Variants in FGF13 observed in about 807,000 individuals in gnomAD.
FGF13 encodes the protein fibroblast growth factor homologous factor 2.
In FGF13, 2 loss-of-function variants were observed where a neutral mutation model predicts 19.5. The observed-to-expected ratio is 0.10, with a 90% CI of 0.04 to 0.32. FGF13 has a LOEUF of 0.32. Ranked by LOEUF, FGF13 falls within the 10% of genes least tolerant of loss-of-function variation. FGF13 has a pLI of 1.00. For missense variants in FGF13, 113 were observed against 192.7 expected (o/e 0.59, Z 2.45); for synonymous variants, 72 against 76.9 (o/e 0.94, Z 0.33).
intron 1 of FGF13, among the ~76,000 whole-genome samples, chrX:139,174,089 C>T (rs1477388779): frequency 8.9e-6 from 1 of 112,121 alleles, no homozygotes; most frequent in East Asian, 2.8e-4. Context: ...TTAATGATTG[C>T]CATTCTAACT....
chrX:138,797,706 T>C (rs969140404), intron 3 of FGF13, among the ~76,000 whole-genome samples: 2 of 111,962 alleles, frequency 1.8e-5, no homozygotes, highest in African/African-American at 6.5e-5. Context: ...TGGATTTTTT[T>C]TTCCATTTGT....
At chrX:139,107,318 G>A (rs1032192317) in intron 1 of FGF13, among the ~76,000 whole-genome samples, 2 of 111,952 alleles carry the variant, frequency 1.8e-5, no homozygotes, top group African/African-American at 6.5e-5. Flanking sequence ...AAAGCAACTG[G>A]TTATTTATCA....
At chrX:139,056,864 T>A in intron 1 of FGF13, among the ~76,000 whole-genome samples, 1 of 112,274 alleles carries the variant, frequency 8.9e-6, no homozygotes, top group Non-Finnish European at 1.9e-5. Flanking sequence ...GATGTTCAAT[T>A]TAAGCCCTAG....
chrX:138,906,330 C>A (rs1312346045), intron 1 of FGF13, among the ~76,000 whole-genome samples: 5 of 112,163 alleles, frequency 4.5e-5, no homozygotes, highest in Non-Finnish European at 3.8e-5. Flanking sequence ...TTGCTCTTGT[C>A]ATTTTTATTG....
chrX:138,955,399 C>T (rs1412138671), intron 1 of FGF13, among the ~76,000 whole-genome samples: 1 of 112,006 alleles, frequency 8.9e-6, no homozygotes, highest in Non-Finnish European at 1.9e-5. Context: ...TCTGTGGGGT[C>T]CTGATGAAGA....
intron 1 of FGF13, among the ~76,000 whole-genome samples, chrX:138,888,389 TCTCA>T (rs1234775674): frequency 9.0e-6 from 1 of 111,519 alleles, no homozygotes; most frequent in Non-Finnish European, 1.9e-5. Context: ...GTCTTTGGAC[TCTCA>T]CTATCTCTTC....
intron 1 of FGF13, among the ~76,000 whole-genome samples, chrX:139,146,926 A>C (rs1465008868): frequency 2.0e-5 from 2 of 102,246 alleles, no homozygotes; most frequent in Admixed American, 2.2e-4. Context: ...CAATAAGAAC[A>C]CTTGGACACA....
chrX:138,687,623 A>G (rs185878014), intron 3 of FGF13, among the ~76,000 whole-genome samples: 301 of 112,030 alleles, frequency 2.7e-3, no homozygotes, highest in Non-Finnish European at 4.6e-3. Context: ...TAAAACTACC[A>G]TATGATCCAG....
At chrX:138,881,761 C>T (rs1298804279) in intron 1 of FGF13, among the ~76,000 whole-genome samples, 1 of 111,534 alleles carries the variant, frequency 9.0e-6, no homozygotes, top group African/African-American at 3.2e-5. Context: ...TCTCCACTTA[C>T]ATTCTCATTT....
At chrX:138,952,945 C>T (rs148267798) in intron 1 of FGF13, among the ~76,000 whole-genome samples, 2,996 of 110,484 alleles carry the variant, frequency 0.027, 108 homozygotes, top group African/African-American at 0.092. Flanking sequence ...CTGGAGAGGA[C>T]GTGGAGAAAT....
At chrX:139,031,648 C>T (rs1286463012) in intron 1 of FGF13, among the ~76,000 whole-genome samples, 1 of 108,182 alleles carries the variant, frequency 9.2e-6, no homozygotes, top group African/African-American at 3.4e-5. Context: ...AGGAATCAAG[C>T]ATTGAGTCTG....
chrX:138,896,422 T>G (rs2091504583), intron 1 of FGF13, among the ~76,000 whole-genome samples: 1 of 111,801 alleles, frequency 8.9e-6, no homozygotes, highest in Admixed American at 9.5e-5. Context: ...CCTATACTTT[T>G]CTTTCACCAA....
At chrX:138,816,841 A>G (rs1391285174) in intron 3 of FGF13, among the ~76,000 whole-genome samples, 1 of 111,704 alleles carries the variant, frequency 9.0e-6, no homozygotes, top group Non-Finnish European at 1.9e-5. Flanking sequence ...TCTTCTTCCA[A>G]TATGGCCCAG....
At chrX:138,719,266 A>G (rs1367964087) in intron 1 of FGF13, among the ~76,000 whole-genome samples, 3 of 112,135 alleles carry the variant, frequency 2.7e-5, no homozygotes, top group African/African-American at 9.7e-5. Context: ...TTCTTTAACA[A>G]AAGTGAATTA....
chrX:139,083,637 C>T (rs2084247569), intron 1 of FGF13, among the ~76,000 whole-genome samples: 1 of 110,920 alleles, frequency 9.0e-6, no homozygotes, highest in African/African-American at 3.3e-5. Context: ...TTTGGGAGGC[C>T]GAGGCAGGCA....
intron 3 of FGF13, among the ~76,000 whole-genome samples, chrX:138,830,207 A>G (rs1273120253): frequency 8.9e-6 from 1 of 112,273 alleles, no homozygotes; most frequent in Non-Finnish European, 1.9e-5. Context: ...GGCTAGAGAA[A>G]GCCTAGATGG....
At chrX:139,203,166 G>A (rs2084429774) in intron 1 of FGF13, among the ~76,000 whole-genome samples, 1 of 111,907 alleles carries the variant, frequency 8.9e-6, no homozygotes, top group African/African-American at 3.2e-5. Flanking sequence ...CCGCTTTGCT[G>A]CGCCTCCCCA....
At chrX:138,886,763 C>T (rs1052033281) in intron 1 of FGF13, among the ~76,000 whole-genome samples, 7 of 111,611 alleles carry the variant, frequency 6.3e-5, no homozygotes, top group Non-Finnish European at 1.3e-4. Flanking sequence ...CGTTGTGTTT[C>T]ATAGTTTTAA....
intron 2 of FGF13, 49 bp downstream of exon 2, chrX:138,708,767 CAG>C (rs768366973): frequency 5.8e-4 from 466 of 802,351 alleles, no homozygotes; most frequent in Non-Finnish European, 8.1e-4. Flanking sequence ...TAAATAAAAA[CAG>C]AATGTTAACA....
Sources: allele counts gnomAD v4.1 joint callset (sites outside exome capture counted in the v4.1 genomes callset), GRCh38; gene constraint gnomAD v4.1.1; transcripts MANE v1.5; gene names NCBI Gene and HGNC (gene_info 2026-07-23, HGNC 2026-07-21).